The following PLVAP variants were observed in gnomAD, a reference collection of about 807,000 sequenced individuals.
PLVAP encodes the protein plasmalemma vesicle associated protein.
Under a neutral mutation model 43.1 loss-of-function variants are expected in PLVAP, and 34 were observed. The observed-to-expected ratio is 0.79, with a 90% CI of 0.60 to 1.05. The LOEUF is 1.05. Among genes scored for constraint, PLVAP ranks in the 50% least tolerant of loss-of-function variants. The probability of loss-of-function intolerance (pLI) is 0.00; values close to 1 mark genes in which losing one functional copy is unlikely to be tolerated. For missense variants in PLVAP, 574 were observed against 593.4 expected (o/e 0.97, Z 0.34); for synonymous variants, 241 against 237.3 (o/e 1.02, Z -0.14).
chr19:17,363,054 G>A (rs1262557809), intron 3 of PLVAP, among the ~76,000 whole-genome samples: 2 of 152,072 alleles, frequency 1.3e-5, no homozygotes, highest in Admixed American at 6.6e-5. Context: ...ACTCAGCCTC[G>A]ATTCTTTCAT....
chr19:17,361,108 G>A (rs943863288), intron 3 of PLVAP: 7 of 373,740 alleles, frequency 1.9e-5, no homozygotes, highest in African/African-American at 1.5e-4. Flanking sequence ...TAGAGCTGGG[G>A]TTTCACTATG....
At position 17,351,997 on chromosome 19, in the gene PLVAP, G is replaced by A. The variant is rs2074487506; in HGVS notation, c.*365C>T. ...CCCGTGACGTCGTTGCTGCATCTCG[G>A]TGTGACGTCATGCCAAGTTCCCCAT... On this transcript the variant is annotated 3_prime_UTR_variant, in exon 6 of 6. Coordinates refer to ENST00000252590, the MANE Select transcript of PLVAP (RefSeq NM_031310.3). The A allele has an allele frequency of 3.0e-6, 1 of 332,744 alleles. No individual in the cohort carries two copies. Among genetic ancestry groups the A allele is most frequent in the Non-Finnish European group, 5.7e-6 (1 of 176,268 alleles). The allele number at this position is 332,744 out of a possible 1,614,324, so 20.6% of individuals were successfully genotyped here.
At chr19:17,355,971 T>C (rs1236180772) in intron 5 of PLVAP, among the ~76,000 whole-genome samples, 7 of 152,186 alleles carry the variant, frequency 4.6e-5, no homozygotes, top group Non-Finnish European at 7.3e-5. Flanking sequence ...TCTCATCAAG[T>C]AAAGGAAAGC....
intron 1 of PLVAP, among the ~76,000 whole-genome samples, chr19:17,372,608 C>T (rs1457766778): frequency 3.3e-4 from 50 of 149,790 alleles, no homozygotes; most frequent in Admixed American, 5.3e-4. Flanking sequence ...AGGCGCCCAC[C>T]ACCACACCTG....
intron 5 of PLVAP, among the ~76,000 whole-genome samples, chr19:17,359,208 T>C (rs2074518047): frequency 6.6e-6 from 1 of 151,746 alleles, no homozygotes; most frequent in South Asian, 2.1e-4. Context: ...GTTCAAGTGA[T>C]TCTCCTGCCT....
Position 17,365,679 on chromosome 19 carries a change from G to A in PLVAP, c.786C>T (p.Gly262=), listed in dbSNP as rs111681752. Residue 262 remains glycine (G), a synonymous_variant, in exon 3 of 6, where the codon GGC becomes GGT. Coordinates refer to ENST00000252590, the MANE Select transcript of PLVAP (RefSeq NM_031310.3). ...NLGYNLYHPL[G]SELASIRRAC... Reference sequence around the variant, plus strand: ...CTCTGCGGATGGAGGCCAATTCCGAGCCCAGGGGATGGTAGAGGTTGTAAC... The same window carrying A: ...CTCTGCGGATGGAGGCCAATTCCGAACCCAGGGGATGGTAGAGGTTGTAAC... The A allele has an allele frequency of 3.7e-6, 6 of 1,613,696 alleles. No homozygotes were observed. Among genetic ancestry groups the A allele is most frequent in the Admixed American group, 1.7e-5 (1 of 60,014 alleles).
In PLVAP at chr19:17,351,941, T is replaced by C. The variant is rs921700021; in HGVS notation, c.*421A>G. ...CTGTGTGATGCCATCGCCGCGTCTG[T>C]GTGACATTAATATGTGTGACGTCGA... On this transcript the variant is annotated 3_prime_UTR_variant, in exon 6 of 6. Coordinates refer to ENST00000252590, the MANE Select transcript of PLVAP (RefSeq NM_031310.3). 8.8e-5 allele frequency: 22 copies of C among 248,920 alleles called. No homozygotes were observed. Among genetic ancestry groups the C allele is most frequent in the Admixed American group, 4.3e-4 (9 of 20,900 alleles). 15.4% of individuals were successfully genotyped at this position (248,920 alleles called of 1,614,324 possible). A position where few individuals can be genotyped will look rare whatever the true frequency, so the allele number is the denominator to read the frequency against.
chr19:17,360,900 TTTC>T, intron 3 of PLVAP, 68 bp from the exon 4 acceptor site: 1 of 1,379,686 alleles, frequency 7.2e-7, no homozygotes, highest in East Asian at 2.3e-5. Context: ...TGCCTTTTCT[TTTC>T]TTTTCTTTTT....
chr19:17,355,780 C>T (rs1432400933), intron 5 of PLVAP, among the ~76,000 whole-genome samples: 1 of 151,418 alleles, frequency 6.6e-6, no homozygotes, highest in African/African-American at 2.4e-5. Context: ...ATGATCTGCC[C>T]GCCTCAGCCT....
intron 5 of PLVAP, among the ~76,000 whole-genome samples, chr19:17,360,180 G>A (rs2074522456): frequency 6.6e-6 from 1 of 152,260 alleles, no homozygotes; most frequent in South Asian, 2.1e-4. Flanking sequence ...GTAGAATAGT[G>A]GTTTGCCCTA....
chr19:17,352,266 C>T lies in PLVAP; in HGVS notation c.*96G>A, dbSNP rs1006658970. On this transcript the variant is annotated 3_prime_UTR_variant, in exon 6 of 6. Coordinates refer to ENST00000252590, the MANE Select transcript of PLVAP (RefSeq NM_031310.3). ...GGTGGCCCTGGGTGGTTGGGGGCGG[C>T]GGGAGGGGGTTGTGTCGGGCGCTGT... 16 of 1,032,938 alleles carry T rather than the reference C, an allele frequency of 1.5e-5. No homozygotes were observed. Among genetic ancestry groups the T allele is most frequent in the South Asian group, 8.7e-5 (5 of 57,528 alleles). The allele number at this position is 1,032,938 out of a possible 1,614,324, so 64.0% of individuals were successfully genotyped here. A position where few individuals can be genotyped will look rare whatever the true frequency, so the allele number is the denominator to read the frequency against.
At chr19:17,355,267 AAAT>A (rs1262472936) in intron 5 of PLVAP, among the ~76,000 whole-genome samples, 1 of 128,220 alleles carries the variant, frequency 7.8e-6, no homozygotes, top group Non-Finnish European at 1.7e-5. Flanking sequence ...ATAATAAAAT[AAAT>A]AATAAAATCT....
chr19:17,371,759 A>C (rs1160137028), intron 1 of PLVAP, among the ~76,000 whole-genome samples: 1 of 152,232 alleles, frequency 6.6e-6, no homozygotes, highest in Admixed American at 6.5e-5. Flanking sequence ...TTGGGATTAC[A>C]GGTGTGAACC....
intron 3 of PLVAP, among the ~76,000 whole-genome samples, chr19:17,363,172 C>CT (rs1003140131): frequency 3.7e-4 from 57 of 152,046 alleles, no homozygotes; most frequent in African/African-American, 1.3e-3. Context: ...GTTTGGGTTT[C>CT]TTTTTTTTGA....
chr19:17,368,621 A>G (rs915743824), intron 1 of PLVAP, among the ~76,000 whole-genome samples: 9 of 152,142 alleles, frequency 5.9e-5, no homozygotes, highest in Non-Finnish European at 8.8e-5. Context: ...ACACAGAGAC[A>G]CGGACAGAAG....
intron 1 of PLVAP, among the ~76,000 whole-genome samples, chr19:17,373,158 A>T (rs1568377493): frequency 6.8e-6 from 1 of 147,260 alleles, no homozygotes; most frequent in East Asian, 2.0e-4. Context: ...TAATCTGAGG[A>T]TCTAAGGGGC....
At chr19:17,357,998 C>T (rs1473394876) in intron 5 of PLVAP, among the ~76,000 whole-genome samples, 1 of 152,208 alleles carries the variant, frequency 6.6e-6, no homozygotes, top group Non-Finnish European at 1.5e-5. Context: ...CCCCAGGCTG[C>T]TCACTTCCCT....
At chr19:17,352,827 G>A (rs1044171628) in intron 5 of PLVAP, among the ~76,000 whole-genome samples, 6 of 152,116 alleles carry the variant, frequency 3.9e-5, no homozygotes, top group Admixed American at 3.9e-4. Flanking sequence ...CTGCTCACAT[G>A]TCCTCCATGG....
intron 2 of PLVAP, 25 bp downstream of exon 2, chr19:17,366,074 G>C: frequency 6.2e-7 from 1 of 1,613,458 alleles, no homozygotes; most frequent in Non-Finnish European, 8.5e-7. Context: ...CCACCACCCC[G>C]GCTCCCTGCA....
Sources: allele counts gnomAD v4.1 joint callset (sites outside exome capture counted in the v4.1 genomes callset), GRCh38; gene constraint gnomAD v4.1.1; transcripts MANE v1.5; gene names NCBI Gene and HGNC (gene_info 2026-07-23, HGNC 2026-07-21).